Variants in ZBTB7C observed in about 807,000 individuals in gnomAD.
The protein encoded by ZBTB7C is zinc finger and BTB domain-containing protein 7C.
In ZBTB7C, 8 loss-of-function variants were observed where a neutral mutation model predicts 25.7. The observed-to-expected ratio is 0.31, with a 90% CI of 0.18 to 0.56. The LOEUF (loss-of-function observed/expected upper bound fraction) is 0.56, where lower values mean the gene tolerates loss of function less well. Ranked by LOEUF, ZBTB7C falls within the 20% of genes least tolerant of loss-of-function variation. The pLI, the probability that ZBTB7C is intolerant of heterozygous loss-of-function variation, is 0.91. For synonymous variants in ZBTB7C, 394 were observed against 369.0 expected (o/e 1.07, Z -0.78); for missense variants, 824 against 855.2 (o/e 0.96, Z 0.46).
rs546100315 is a variant in ZBTB7C at position 48,075,698 on chromosome 18, C to T, written c.-16-34575G>A. On this transcript the variant is annotated intron_variant, in intron 3 of 4. Transcript: ENST00000590800. ...GGCAGGTGACTCCTTTCTACCTTTC[C>T]CCAGGTAGAAAGGTAGAAATGACAC... Among the ~76,000 whole-genome samples the T allele has an allele frequency of 5.9e-4, 90 of 152,226 alleles. 1 individual carries two copies. In the South Asian group the frequency reaches 0.017, roughly 29 times the overall value.
intron 3 of ZBTB7C, among the ~76,000 whole-genome samples, chr18:48,090,329 C>T (rs2038364635): frequency 6.6e-6 from 1 of 152,212 alleles, no homozygotes; most frequent in East Asian, 1.9e-4. Context: ...GGCTCTCCTG[C>T]CTAATCCTGG....
Position 48,134,090 on chromosome 18 carries a change from ATTTTT to A in ZBTB7C, c.-17+51839_-17+51843del, listed in dbSNP as rs35281038. On this transcript the variant is annotated intron_variant, in intron 3 of 4. Coordinates refer to ENST00000590800, the MANE Select transcript of ZBTB7C (RefSeq NM_001318841.2). ...ATGATCTTGTGACCTCAAACCCAGG[ATTTTT>A]TTTTTTTTTTTTTTTTAAGAAAAGG... Among the ~76,000 whole-genome samples the A allele has an allele frequency of 7.5e-3, 1,045 of 139,054 alleles. 9 individuals are homozygous for A. The highest frequency in any genetic ancestry group is 0.011 in the Non-Finnish European group (706 of 64,660). The allele number at this position is 139,054 out of a possible 152,430, so 91.2% of individuals were successfully genotyped here.
intron 3 of ZBTB7C, among the ~76,000 whole-genome samples, chr18:48,069,797 A>G (rs1239779522): frequency 6.6e-6 from 1 of 152,238 alleles, no homozygotes; most frequent in Non-Finnish European, 1.5e-5. Flanking sequence ...GAGAAAGGCA[A>G]GGATGAAGGG....
chr18:48,316,093 C>G (rs2045941522), intron 2 of ZBTB7C, among the ~76,000 whole-genome samples: 1 of 152,168 alleles, frequency 6.6e-6, no homozygotes, highest in Non-Finnish European at 1.5e-5. Flanking sequence ...CCATCAACCA[C>G]CTGGACACCC....
intron 3 of ZBTB7C, among the ~76,000 whole-genome samples, chr18:48,128,328 C>T (rs969300337): frequency 1.3e-5 from 2 of 152,226 alleles, no homozygotes; most frequent in African/African-American, 4.8e-5. Flanking sequence ...AAGTCCCCTT[C>T]CCCAAATAAA....
At chr18:48,335,568 C>T (rs17824587) in intron 2 of ZBTB7C, among the ~76,000 whole-genome samples, 20,764 of 152,064 alleles carry the variant, frequency 0.14, 1,660 homozygotes, top group Non-Finnish European at 0.2. Context: ...CCCAGGGATT[C>T]GTTATAGACA....
chr18:48,059,095 T>C (rs1287100413), intron 3 of ZBTB7C, among the ~76,000 whole-genome samples: 1 of 152,218 alleles, frequency 6.6e-6, no homozygotes, highest in Non-Finnish European at 1.5e-5. Flanking sequence ...TGCTATGGTT[T>C]TGGGGCATTT....
chr18:48,272,059 T>C lies in ZBTB7C; in HGVS notation c.-79+66115A>G, dbSNP rs372542739. Among the ~76,000 whole-genome samples the C allele has an allele frequency of 3.9e-5, 6 of 152,208 alleles. No individual in the cohort carries two copies. In the South Asian group the frequency reaches 8.3e-4, roughly 21 times the overall value. ...TCATTGCTCATGATGCACCTCATGA[T>C]GGTTAATTTTTTTATGTGTCAACTT... On this transcript the variant is annotated intron_variant, in intron 2 of 4. Transcript: ENST00000590800.
At chr18:48,291,689 A>G (rs1277000970) in intron 2 of ZBTB7C, among the ~76,000 whole-genome samples, 1 of 152,206 alleles carries the variant, frequency 6.6e-6, no homozygotes, top group East Asian at 1.9e-4. Context: ...ATCTATAGCC[A>G]CAGCCATTAT....
At chr18:48,153,339 A>G (rs2040735841) in intron 3 of ZBTB7C, among the ~76,000 whole-genome samples, 2 of 152,284 alleles carry the variant, frequency 1.3e-5, no homozygotes, top group South Asian at 4.2e-4. Context: ...GGTACAAGGA[A>G]GTTTAGAGGA....
chr18:48,262,646 G>A (rs549752189), intron 2 of ZBTB7C, among the ~76,000 whole-genome samples: 45 of 152,270 alleles, frequency 3.0e-4, no homozygotes, highest in African/African-American at 1.1e-3. Context: ...ATGTTACCCA[G>A]CCTTTCTTTC....
At chr18:48,339,971 AG>A (rs1172603566) in intron 1 of ZBTB7C, among the ~76,000 whole-genome samples, 3 of 152,232 alleles carry the variant, frequency 2.0e-5, no homozygotes, top group Non-Finnish European at 4.4e-5. Context: ...TTCTCTGCAA[AG>A]CAACAGAGGT....
At chr18:48,145,780 G>A (rs1270288043) in intron 3 of ZBTB7C, among the ~76,000 whole-genome samples, 1 of 152,154 alleles carries the variant, frequency 6.6e-6, no homozygotes. Context: ...GTATGTATAC[G>A]TGATATTTTT....
intron 2 of ZBTB7C, among the ~76,000 whole-genome samples, chr18:48,255,284 A>G (rs2043988742): frequency 6.6e-6 from 1 of 152,238 alleles, no homozygotes; most frequent in Non-Finnish European, 1.5e-5. Context: ...ACAATGAAAA[A>G]GGTATTATAA....
In ZBTB7C at chr18:48,221,286, T is replaced by TCCTCTATACTGTCCCAGTCTC. The variant is rs1250877286; in HGVS notation, c.-78-35312_-78-35292dup. On this transcript the variant is annotated intron_variant, in intron 2 of 4. Coordinates refer to ENST00000590800, the MANE Select transcript of ZBTB7C (RefSeq NM_001318841.2). The stretch of plus-strand genomic sequence containing the variant: ...AGACTCCCTCTATACTGTCCTTGTC[T>TCCTCTATACTGTCCCAGTCTC]CCTCTATACTGTCCCAGTCTCCCTC... 2.7e-5 allele frequency among the ~76,000 whole-genome samples: 4 copies of TCCTCTATACTGTCCCAGTCTC among 150,362 alleles called. No homozygotes were observed. In the East Asian group the frequency reaches 8.0e-4, roughly 30 times the overall value.
At chr18:48,159,301 C>T (rs1381884398) in intron 3 of ZBTB7C, among the ~76,000 whole-genome samples, 3 of 152,190 alleles carry the variant, frequency 2.0e-5, no homozygotes, top group Non-Finnish European at 4.4e-5. Flanking sequence ...TAATCAACCT[C>T]AGTTTCCTTG....
intron 1 of ZBTB7C, among the ~76,000 whole-genome samples, chr18:48,385,408 C>T (rs1002777154): frequency 5.3e-5 from 8 of 152,180 alleles, no homozygotes; most frequent in African/African-American, 1.9e-4. Flanking sequence ...CTGATGAGAA[C>T]ACCATGAGGA....
rs556379441 is a variant in ZBTB7C, at chr18:48,205,981, A to G, written c.-78-19986T>C. 5.9e-5 allele frequency among the ~76,000 whole-genome samples: 9 copies of G among 152,346 alleles called. No individual in the cohort carries two copies. The South Asian group carries it at 1.9e-3, about 32-fold the overall frequency. ...GCCAAGAGAAGTCAGGCAGCAGCCA[A>G]ATGAGAATTGCCAGTGGGCCCAAAG... is the stretch of plus-strand genomic sequence containing the variant. On this transcript the variant is annotated intron_variant, in intron 2 of 4. Coordinates refer to ENST00000590800, the MANE Select transcript of ZBTB7C (RefSeq NM_001318841.2).
At chr18:48,136,151 G>A (rs1365420776) in intron 3 of ZBTB7C, among the ~76,000 whole-genome samples, 1 of 152,184 alleles carries the variant, frequency 6.6e-6, no homozygotes, top group Admixed American at 6.5e-5. Context: ...GGCCAGCCCC[G>A]CGGCCGCTGC....
Sources: allele counts gnomAD v4.1 joint callset (sites outside exome capture counted in the v4.1 genomes callset), GRCh38; gene constraint gnomAD v4.1.1; transcripts MANE v1.5; gene names NCBI Gene and HGNC (gene_info 2026-07-23, HGNC 2026-07-21).